The following DNAH12 variants were observed in gnomAD, a reference collection of about 807,000 sequenced individuals.
The protein encoded by DNAH12 is axonemal beta dynein heavy chain 12.
Under a neutral mutation model 371.5 loss-of-function variants are expected in DNAH12, and 285 were observed. The ratio of observed to expected loss-of-function variants is 0.77; its 90% CI spans 0.70 to 0.85. DNAH12 has a LOEUF of 0.85. Ranked by LOEUF, DNAH12 falls within the 40% of genes least tolerant of loss-of-function variation. DNAH12 has a pLI of 0.00. For synonymous variants in DNAH12, 1,200 were observed against 1,213.0 expected (o/e 0.99, Z 0.22); for missense variants, 3,611 against 3,689.4 (o/e 0.98, Z 0.55).
rs550079625 is a variant in DNAH12 at position 57,319,091 on chromosome 3, T to C, written c.10524+3252A>G. Reference sequence around the variant, plus strand: ...GTGTATATATCTTTCACCTCCTCAGTTGAATTTATTCCTAAGTATTTTATT... The same window carrying C: ...GTGTATATATCTTTCACCTCCTCAGCTGAATTTATTCCTAAGTATTTTATT... On this transcript the variant is annotated intron_variant, in intron 65 of 73. Coordinates refer to ENST00000495027, the MANE Select transcript of DNAH12 (RefSeq NM_001366028.2). Among the ~76,000 whole-genome samples the C allele has an allele frequency of 1.5e-4, 23 of 152,320 alleles. No homozygotes were observed. In the South Asian group the frequency reaches 3.9e-3, roughly 26 times the overall value.
At position 57,505,868 on chromosome 3, in the gene DNAH12, C is replaced by T. The variant is rs143191211; in HGVS notation, c.898-1664G>A. Among the ~76,000 whole-genome samples the T allele has an allele frequency of 1.8e-3, 280 of 152,318 alleles. 3 individuals are homozygous for T. The highest frequency in any genetic ancestry group is 6.4e-3 in the African/African-American group (264 of 41,574). ...CAAGCAATCCTCCCACCTCAGCCTC[C>T]TGAGTAGCTGGGACAATAGGCATGA... On this transcript the variant is annotated intron_variant, in intron 8 of 73. Transcript: ENST00000495027.
intron 69 of DNAH12, among the ~76,000 whole-genome samples, chr3:57,308,947 A>ACT (rs1202866931): frequency 1.3e-5 from 2 of 151,918 alleles, no homozygotes; most frequent in African/African-American, 4.8e-5. Flanking sequence ...TTACCACAAA[A>ACT]TCTGCCTTCA....
At chr3:57,540,302 C>T (rs746115586) in intron 2 of DNAH12, among the ~76,000 whole-genome samples, 14 of 152,110 alleles carry the variant, frequency 9.2e-5, no homozygotes, top group South Asian at 2.1e-4. Flanking sequence ...TCACCTGCCT[C>T]GGCCTCCCAA....
intron 25 of DNAH12, 49 bp downstream of exon 25, chr3:57,452,794 A>G (rs2065792311): frequency 6.7e-7 from 1 of 1,487,860 alleles, no homozygotes; most frequent in Non-Finnish European, 9.0e-7. Flanking sequence ...ATGACGCTAC[A>G]GCAAAAAGTA....
intron 22 of DNAH12, among the ~76,000 whole-genome samples, chr3:57,456,476 A>T (rs1369394356): frequency 6.6e-6 from 1 of 152,206 alleles, no homozygotes; most frequent in Non-Finnish European, 1.5e-5. Flanking sequence ...AGATTAGGTT[A>T]ATTGGATTAA....
chr3:57,459,793 G>A lies in DNAH12; in HGVS notation c.2737-7C>T. 6.9e-7 allele frequency: 1 copy of A among 1,440,790 alleles called. No homozygotes were observed. Among genetic ancestry groups the A allele is most frequent in the Non-Finnish European group, 9.2e-7 (1 of 1,081,966 alleles). The allele number at this position is 1,440,790 out of a possible 1,614,324, so 89.3% of individuals were successfully genotyped here. A position where few individuals can be genotyped will look rare whatever the true frequency, so the allele number is the denominator to read the frequency against. ...TCAAGCGGTCCTCCCAGGCCTTAAT[G>A]AAAAGTATACTGCACTAAATTCTAG... On this transcript the variant is annotated splice_polypyrimidine_tract_variant and splice_region_variant and intron_variant, in intron 19 of 73. Coordinates refer to ENST00000495027, the MANE Select transcript of DNAH12 (RefSeq NM_001366028.2).
At chr3:57,501,537 T>C in intron 10 of DNAH12, 125 bp from the exon 11 acceptor site, 1 of 621,072 alleles carries the variant, frequency 1.6e-6, no homozygotes, top group Non-Finnish European at 2.7e-6. Context: ...AGTATTAACA[T>C]ACATGATTTA....
chr3:57,323,040 A>G lies in DNAH12; in HGVS notation c.10350T>C (p.Phe3450=). The G allele has an allele frequency of 6.4e-7, 1 of 1,552,322 alleles. No individual in the cohort carries two copies. Among genetic ancestry groups the G allele is most frequent in the East Asian group, 2.4e-5 (1 of 40,930 alleles). ...DFTSETCNSS[F]RLWLTSYPSS... is the part of the protein sequence containing the mutation. ...ATGGATAGCTTGTCAGCCAAAGCCT[A>G]AAGGATGAGTTACAGGTTTCAGAGG... The change falls in exon 64 of 74, where the codon TTT becomes TTC. Residue 3450 remains phenylalanine, a synonymous_variant. Coordinates refer to ENST00000495027, the MANE Select transcript of DNAH12 (RefSeq NM_001366028.2).
At chr3:57,452,746 T>C in intron 25 of DNAH12, 97 bp downstream of exon 25, 2 of 1,129,854 alleles carry the variant, frequency 1.8e-6, no homozygotes, top group Non-Finnish European at 2.4e-6. Flanking sequence ...AAAGGGATAA[T>C]TGTATTCAAC....
chr3:57,466,358 T>A (rs1236207165), intron 17 of DNAH12, among the ~76,000 whole-genome samples: 1 of 152,170 alleles, frequency 6.6e-6, no homozygotes, highest in East Asian at 1.9e-4. Context: ...ACTTTTCAGA[T>A]GTCTCTTTTT....
At chr3:57,516,445 A>T (rs947470312) in intron 4 of DNAH12, among the ~76,000 whole-genome samples, 6 of 152,078 alleles carry the variant, frequency 3.9e-5, no homozygotes, top group Non-Finnish European at 2.9e-5. Flanking sequence ...TCTAGCAATG[A>T]AATTGGTCCT....
intron 32 of DNAH12, 63 bp downstream of exon 32, chr3:57,433,304 T>C (rs1431691442): frequency 2.0e-6 from 3 of 1,496,292 alleles, no homozygotes; most frequent in Admixed American, 2.3e-5. Context: ...CCTAGTTTAG[T>C]TGCTGAACAC....
In DNAH12 at chr3:57,445,275, A is replaced by G; in HGVS notation, c.4324T>C (p.Ser1442Pro). The stretch of plus-strand genomic sequence containing the variant: ...ATTCCATAGTCGTAATGAAATTGCG[A>G]TGAGAGCTGCTCTGAGCAAAGCCTA... The part of the protein sequence containing the change: ...TYRLCSEQLS[S>P]QFHYDYGMRA... The change falls in exon 28 of 74, where the codon TCG (serine) becomes CCG (proline). Residue 1442 changes from serine to proline, a missense_variant. Coordinates refer to ENST00000495027, the MANE Select transcript of DNAH12 (RefSeq NM_001366028.2). 1.3e-6 allele frequency: 2 copies of G among 1,551,508 alleles called. No homozygotes were observed. Among genetic ancestry groups the G allele is most frequent in the Non-Finnish European group, 8.7e-7 (1 of 1,146,876 alleles).
chr3:57,551,112 C>T, the DNAH12 span, among the ~76,000 whole-genome samples: 40 of 151,814 alleles, frequency 2.6e-4, no homozygotes, highest in African/African-American at 9.7e-4. Context: ...GTGATCCACC[C>T]GCCTCAGTCT....
At chr3:57,358,946 G>C (rs1204050568) in intron 58 of DNAH12, among the ~76,000 whole-genome samples, 1 of 151,936 alleles carries the variant, frequency 6.6e-6, no homozygotes, top group Non-Finnish European at 1.5e-5. Context: ...CACCACACCT[G>C]GCTAATTTTT....
Position 57,470,568 on chromosome 3 carries a change from A to G in DNAH12, c.1980T>C (p.Asn660=), listed in dbSNP as rs778162457. 4 of 1,550,062 alleles carry G rather than the reference A, an allele frequency of 2.6e-6. No individual in the cohort carries two copies. The highest frequency in any genetic ancestry group is 3.5e-6 in the Non-Finnish European group (4 of 1,146,702). The change falls in exon 16 of 74, where the codon AAT becomes AAC. Residue 660 remains asparagine, a synonymous_variant. Coordinates refer to ENST00000495027, the MANE Select transcript of DNAH12 (RefSeq NM_001366028.2). ...QESEEAVQFI[N]KEEELFKWEL... is the part of the protein sequence containing the mutation. ...CCCACTTGAAAAGTTCCTCTTCTTT[A>G]TTAATAAACTGCACTGCTTCTTCAG...
intron 2 of DNAH12, among the ~76,000 whole-genome samples, chr3:57,536,673 T>C (rs550735035): frequency 2.3e-4 from 35 of 152,350 alleles, no homozygotes; most frequent in African/African-American, 8.4e-4. Context: ...CAGTGATTGC[T>C]ACTTCCAAGG....
chr3:57,295,440 C>T, intron 73 of DNAH12, 85 bp downstream of exon 73: 2 of 1,178,072 alleles, frequency 1.7e-6, no homozygotes, highest in Non-Finnish European at 2.4e-6. Flanking sequence ...AAGGTTTGAG[C>T]AAAAACTTAT....
At chr3:57,542,271 G>T (rs973108787) in intron 2 of DNAH12, among the ~76,000 whole-genome samples, 1 of 151,962 alleles carries the variant, frequency 6.6e-6, no homozygotes. Flanking sequence ...AATTGTAGGG[G>T]TTCAGTTATT....
Sources: allele counts gnomAD v4.1 joint callset (sites outside exome capture counted in the v4.1 genomes callset), GRCh38; gene constraint gnomAD v4.1.1; transcripts MANE v1.5; gene names NCBI Gene and HGNC (gene_info 2026-07-23, HGNC 2026-07-21).